Variants in MEGF10 observed in about 807,000 individuals in gnomAD.
The protein encoded by MEGF10 is multiple epidermal growth factor-like domains protein 10.
In MEGF10, 86 loss-of-function variants were observed where a neutral mutation model predicts 147.5. That is an observed-to-expected ratio of 0.58 (90% CI 0.49 to 0.70). The LOEUF (loss-of-function observed/expected upper bound fraction) is 0.70. Ranked by LOEUF, MEGF10 falls within the 30% of genes least tolerant of loss-of-function variation. The pLI, the probability that MEGF10 is intolerant of heterozygous loss-of-function variation, is 0.00. For missense variants in MEGF10, 1,329 were observed against 1,487.3 expected, an observed-to-expected ratio of 0.89 and a Z score of 1.75; for synonymous variants, 478 against 525.5, an observed-to-expected ratio of 0.91 and a Z score of 1.24.
At chr5:127,364,587 C>T (rs745795911) in intron 4 of MEGF10, among the ~76,000 whole-genome samples, 3 of 152,132 alleles carry the variant, frequency 2.0e-5, no homozygotes, top group Non-Finnish European at 2.9e-5. Context: ...TAAGCAAACA[C>T]AATAGGGTAG....
At chr5:127,232,785 G>T in the MEGF10 span, among the ~76,000 whole-genome samples, 1 of 152,044 alleles carries the variant, frequency 6.6e-6, no homozygotes, top group African/African-American at 2.4e-5. Flanking sequence ...GCATTAAATT[G>T]CCAAAGGACA....
chr5:127,440,846 A>G lies in MEGF10; in HGVS notation c.2341A>G (p.Met781Val), dbSNP rs1293120056. 8 of 1,613,994 alleles carry G rather than the reference A, an allele frequency of 5.0e-6. No individual in the cohort carries two copies. In the African/African-American group the frequency reaches 8.0e-5, roughly 16 times the overall value. ...GCAGTGTACTTGCCGCACTGGATTC[A>G]TGGGACGGCACTGTGAGCAGAGTAA... ...SGQCTCRTGF[M>V]GRHCEQKCPS... Residue 781 changes from methionine to valine, a missense_variant, in exon 18 of 25, where the codon ATG becomes GTG. Physicochemically the swap from Met to Val is conservative, Grantham distance 21 (BLOSUM62 1). Transcript: ENST00000503335.
the MEGF10 span, among the ~76,000 whole-genome samples, chr5:127,275,142 C>T: frequency 6.6e-6 from 1 of 152,180 alleles, no homozygotes; most frequent in Non-Finnish European, 1.5e-5. Context: ...TTAGACAGTA[C>T]TAACATATCT....
chr5:127,457,113 C>A lies in MEGF10; in HGVS notation c.3233-15C>A. 6.3e-7 allele frequency: 1 copy of A among 1,587,444 alleles called. No individual in the cohort carries two copies. Among genetic ancestry groups the A allele is most frequent in the Non-Finnish European group, 8.6e-7 (1 of 1,167,430 alleles). Reference sequence around the variant, plus strand: ...TTCCTTTGCTGATAAATTAATATGTCCTTGGTTATCACAGAACCTACAGTG... The same window carrying A: ...TTCCTTTGCTGATAAATTAATATGTACTTGGTTATCACAGAACCTACAGTG... On this transcript the variant is annotated splice_polypyrimidine_tract_variant and intron_variant, in intron 24 of 24. Coordinates refer to ENST00000503335, the MANE Select transcript of MEGF10 (RefSeq NM_001256545.2).
chr5:127,269,378 G>A, the MEGF10 span, among the ~76,000 whole-genome samples: 923 of 152,302 alleles, frequency 6.1e-3, 10 homozygotes, highest in African/African-American at 0.021. Context: ...AATAACCAGT[G>A]TAGAGAAGTC....
chr5:127,371,149 T>C (rs1762832790), intron 5 of MEGF10, among the ~76,000 whole-genome samples: 1 of 151,336 alleles, frequency 6.6e-6, no homozygotes, highest in Non-Finnish European at 1.5e-5. Flanking sequence ...GAACACTTGG[T>C]GTGAAAGAGC....
intron 9 of MEGF10, 102 bp downstream of exon 9, chr5:127,410,703 C>A: frequency 1.9e-6 from 2 of 1,047,908 alleles, no homozygotes; most frequent in Non-Finnish European, 2.8e-6. Context: ...TCACCCCAAG[C>A]CCCCTCCTGC....
chr5:127,284,235 G>T, the MEGF10 span, among the ~76,000 whole-genome samples: 1 of 152,066 alleles, frequency 6.6e-6, no homozygotes, highest in Non-Finnish European at 1.5e-5. Flanking sequence ...GAGACTCATG[G>T]GCCAAGAACC....
At chr5:127,395,411 G>A (rs552232451) in intron 5 of MEGF10, among the ~76,000 whole-genome samples, 3 of 151,362 alleles carry the variant, frequency 2.0e-5, no homozygotes, top group South Asian at 2.1e-4. Flanking sequence ...TGGATTCTTC[G>A]GCTTCAGGCT....
the MEGF10 span, among the ~76,000 whole-genome samples, chr5:127,233,107 A>G: frequency 1.3e-3 from 191 of 152,306 alleles, no homozygotes; most frequent in African/African-American, 4.5e-3. Context: ...TGAAGTTGTC[A>G]TGAACTGTTG....
chr5:127,274,751 C>CTT, the MEGF10 span, among the ~76,000 whole-genome samples: 1 of 151,968 alleles, frequency 6.6e-6, no homozygotes, highest in Non-Finnish European at 1.5e-5. Flanking sequence ...ATACTTAAAT[C>CTT]TTTTATCTCT....
the MEGF10 span, among the ~76,000 whole-genome samples, chr5:127,245,475 T>G: frequency 0.017 from 2,513 of 152,252 alleles, 57 homozygotes; most frequent in East Asian, 0.086. Context: ...GATTAAAGAC[T>G]TAAACATAAG....
chr5:127,289,237 A>G (rs1759130695), upstream of MEGF10, among the ~76,000 whole-genome samples: 1 of 152,240 alleles, frequency 6.6e-6, no homozygotes, highest in African/African-American at 2.4e-5. Flanking sequence ...ATCCCCCAAT[A>G]AAGTTGATTA....
chr5:127,282,804 G>C, the MEGF10 span, among the ~76,000 whole-genome samples: 1 of 152,192 alleles, frequency 6.6e-6, no homozygotes, highest in Non-Finnish European at 1.5e-5. Flanking sequence ...AAGCCTTCCT[G>C]TTTTCTCAGA....
At chr5:127,267,862 A>G in the MEGF10 span, among the ~76,000 whole-genome samples, 7 of 151,872 alleles carry the variant, frequency 4.6e-5, no homozygotes, top group Admixed American at 6.6e-5. Flanking sequence ...GTTGATCTCA[A>G]AAAACCAGCT....
At chr5:127,401,790 A>C (rs113744509) in intron 7 of MEGF10, among the ~76,000 whole-genome samples, 3 of 152,322 alleles carry the variant, frequency 2.0e-5, no homozygotes, top group African/African-American at 7.2e-5. Flanking sequence ...TATCCACGCA[A>C]GATTGGAGTA....
At chr5:127,348,606 A>C (rs1370047641) in intron 4 of MEGF10, among the ~76,000 whole-genome samples, 1 of 152,174 alleles carries the variant, frequency 6.6e-6, no homozygotes, top group Non-Finnish European at 1.5e-5. Flanking sequence ...AAGCCTATTC[A>C]GAGATTTACT....
At chr5:127,351,618 T>A (rs895093353) in intron 4 of MEGF10, among the ~76,000 whole-genome samples, 1 of 152,212 alleles carries the variant, frequency 6.6e-6, no homozygotes. Flanking sequence ...GATTTGGCTA[T>A]GTAGTGCCTA....
the MEGF10 span, among the ~76,000 whole-genome samples, chr5:127,258,515 A>G: frequency 6.6e-6 from 1 of 152,170 alleles, no homozygotes; most frequent in African/African-American, 2.4e-5. Context: ...ATACACAAAG[A>G]AAAAATAGGA....
Sources: gnomAD v4.1 joint callset for allele counts (sites outside exome capture counted in the v4.1 genomes callset) on GRCh38, gnomAD v4.1.1 for gene constraint, MANE v1.5 for transcripts, NCBI Gene and HGNC (gene_info 2026-07-23, HGNC 2026-07-21) for gene names.